C4BPA: variants seen among roughly 807,000 people sequenced by gnomAD.
C4BPA encodes complement component 4 binding protein alpha, also known as C4b-binding protein alpha chain.
A neutral mutation model predicts 63.7 loss-of-function variants in C4BPA; 31 were observed. The observed-to-expected ratio is 0.49, with a 90% CI of 0.37 to 0.66. The LOEUF (loss-of-function observed/expected upper bound fraction) is 0.66. Among genes scored for constraint, C4BPA ranks in the 30% least tolerant of loss-of-function variants. The probability of loss-of-function intolerance (pLI) is 0.00; values close to 1 mark genes in which losing one functional copy is unlikely to be tolerated. For missense variants in C4BPA, 572 were observed against 723.3 expected, an observed-to-expected ratio of 0.79 and a Z score of 2.40; for synonymous variants, 259 against 254.7, an observed-to-expected ratio of 1.02 and a Z score of -0.16.
chr1:207,106,904 G>GTA (rs1553255187), intron 1 of C4BPA, among the ~76,000 whole-genome samples: 1 of 151,554 alleles, frequency 6.6e-6, no homozygotes, highest in Non-Finnish European at 1.5e-5. Flanking sequence ...CCTTGCAAAT[G>GTA]TTTTTTTTTA....
At chr1:207,110,669 A>G (rs978661425) in intron 1 of C4BPA, among the ~76,000 whole-genome samples, 1 of 152,210 alleles carries the variant, frequency 6.6e-6, no homozygotes, top group Non-Finnish European at 1.5e-5. Context: ...CATTTTGAGT[A>G]TTCAATGAGT....
At chr1:207,131,172 G>A (rs142733988) in intron 7 of C4BPA, among the ~76,000 whole-genome samples, 11 of 152,116 alleles carry the variant, frequency 7.2e-5, no homozygotes, top group African/African-American at 2.7e-4. Flanking sequence ...TGAGGGGAAC[G>A]GCTCCTGTTT....
intron 9 of C4BPA, among the ~76,000 whole-genome samples, chr1:207,137,618 T>C (rs1031807191): frequency 6.6e-6 from 1 of 151,946 alleles, no homozygotes; most frequent in Non-Finnish European, 1.5e-5. Flanking sequence ...TTTGTTTTGT[T>C]TTGTTTTGTT....
chr1:207,136,961 A>G (rs1000298800), intron 9 of C4BPA, among the ~76,000 whole-genome samples: 2 of 152,194 alleles, frequency 1.3e-5, no homozygotes, highest in African/African-American at 4.8e-5. Flanking sequence ...GCCCCTCCCT[A>G]TACATCTCTT....
At chr1:207,141,879 A>G (rs1415181157) in intron 10 of C4BPA, among the ~76,000 whole-genome samples, 1 of 152,188 alleles carries the variant, frequency 6.6e-6, no homozygotes, top group Non-Finnish European at 1.5e-5. Flanking sequence ...TTTATTTGCC[A>G]TCATTGTTTC....
At chr1:207,118,072 T>G (rs1558089199) in intron 4 of C4BPA, among the ~76,000 whole-genome samples, 3 of 152,196 alleles carry the variant, frequency 2.0e-5, no homozygotes, top group African/African-American at 4.8e-5. Context: ...TTTGGTATTT[T>G]AAATGGATTA....
intron 9 of C4BPA, among the ~76,000 whole-genome samples, chr1:207,138,689 G>A (rs1169950069): frequency 6.6e-6 from 1 of 152,168 alleles, no homozygotes; most frequent in Non-Finnish European, 1.5e-5. Flanking sequence ...CTCAAACCTG[G>A]CAATCATTTG....
intron 9 of C4BPA, among the ~76,000 whole-genome samples, chr1:207,138,493 C>T (rs1215269055): frequency 6.6e-6 from 1 of 152,208 alleles, no homozygotes; most frequent in Non-Finnish European, 1.5e-5. Flanking sequence ...TCCTCTACTG[C>T]AGTGCATGGC....
intron 9 of C4BPA, among the ~76,000 whole-genome samples, chr1:207,139,298 A>C (rs563769622): frequency 2.4e-4 from 36 of 152,334 alleles, no homozygotes; most frequent in African/African-American, 7.9e-4. Context: ...AGTTCTTCAG[A>C]ATCCTTCTAA....
At chr1:207,123,889 A>T in intron 4 of C4BPA, 33 bp from the exon 5 acceptor site, 5 of 1,257,858 alleles carry the variant, frequency 4.0e-6, no homozygotes, top group Non-Finnish European at 5.8e-6. Context: ...GGTAGGAGGA[A>T]TTCCATTAAA....
intron 4 of C4BPA, among the ~76,000 whole-genome samples, chr1:207,118,431 T>C (rs2102336178): frequency 6.6e-6 from 1 of 152,286 alleles, no homozygotes. Context: ...AAACTTACAA[T>C]CATCGCAGAA....
rs1430589676 is a variant in C4BPA, at chr1:207,117,132, A to C, written c.428+1617A>C. ...AGAACTTTAAAGTTAGACATATTTT[A>C]AAATCAGTGTTAGATTAGTTTTAAA... is the stretch of plus-strand genomic sequence containing the variant. On this transcript the variant is annotated intron_variant, in intron 4 of 11. Coordinates refer to ENST00000367070, the MANE Select transcript of C4BPA (RefSeq NM_000715.4). Among the ~76,000 whole-genome samples, 3 of 152,216 alleles carry C rather than the reference A, an allele frequency of 2.0e-5. No homozygotes were observed. In the East Asian group the frequency reaches 5.8e-4, roughly 29 times the overall value.
At chr1:207,141,410 G>A in intron 10 of C4BPA, 134 bp downstream of exon 10, 1 of 614,660 alleles carries the variant, frequency 1.6e-6, no homozygotes, top group East Asian at 2.8e-5. Context: ...ATCAATATAT[G>A]CAAATGGTAC....
At chr1:207,129,412 C>CA (rs71640104) in intron 7 of C4BPA, among the ~76,000 whole-genome samples, 106,445 of 137,086 alleles carry the variant, frequency 0.78, 42,774 homozygotes, top group East Asian at 0.97. Context: ...CAAATTTGAC[C>CA]AAAAAAAAAA....
Position 207,124,216 on chromosome 1 carries a change from C to T in C4BPA, c.556C>T (p.His186Tyr), listed in dbSNP as rs1254446359. Residue 186 changes from histidine to tyrosine, a missense_variant, in exon 6 of 12, where the codon CAC (histidine) becomes TAC (tyrosine). This residue lies in a region of C4BPA where 465 missense variants were observed against 629.4 expected (regional missense o/e 0.74). Coordinates refer to ENST00000367070, the MANE Select transcript of C4BPA (RefSeq NM_000715.4). The part of the protein sequence containing the change: ...KPPPDIRNGR[H>Y]SGEENFYAYG... ...TCCTCCAGACATCAGGAATGGAAGG[C>T]ACAGCGGTGAAGAAAATTTCTACGC... The T allele has an allele frequency of 6.2e-7, 1 of 1,613,848 alleles. No individual in the cohort carries two copies. The highest frequency in any genetic ancestry group is 8.5e-7 in the Non-Finnish European group (1 of 1,179,916).
intron 2 of C4BPA, among the ~76,000 whole-genome samples, chr1:207,113,387 A>G (rs1684711137): frequency 6.6e-6 from 1 of 152,218 alleles, no homozygotes; most frequent in African/African-American, 2.4e-5. Context: ...TCTCCAGGAA[A>G]GAATTTCTCT....
In C4BPA at chr1:207,115,375, G is replaced by A. The variant is rs1684762128; in HGVS notation, c.329-41G>A. ...TTCTTTTCTAATGCCATATCTGTGA[G>A]TACTTGGAAGTACTAATCATCATTT... is the stretch of plus-strand genomic sequence containing the variant. On this transcript the variant is annotated intron_variant, in intron 3 of 11. Transcript: ENST00000367070. 3 of 1,035,570 alleles carry A rather than the reference G, an allele frequency of 2.9e-6. 1 individual carries two copies. Among genetic ancestry groups the A allele is most frequent in the Non-Finnish European group, 2.9e-6 (2 of 682,678 alleles). 64.1% of individuals were successfully genotyped at this position (1,035,570 alleles called of 1,614,324 possible). A position where few individuals can be genotyped will look rare whatever the true frequency, so the allele number is the denominator to read the frequency against.
intron 4 of C4BPA, among the ~76,000 whole-genome samples, chr1:207,121,601 G>A (rs1684923161): frequency 6.6e-6 from 1 of 152,066 alleles, no homozygotes; most frequent in East Asian, 1.9e-4. Context: ...ATTGATGTGA[G>A]TGATACTTAT....
chr1:207,124,854 C>T (rs913548140), intron 6 of C4BPA, among the ~76,000 whole-genome samples: 1 of 152,204 alleles, frequency 6.6e-6, no homozygotes, highest in Admixed American at 6.5e-5. Flanking sequence ...TATCACTTTC[C>T]ATTACAGCCT....
Sources: allele counts gnomAD v4.1 joint callset (sites outside exome capture counted in the v4.1 genomes callset), GRCh38; gene constraint gnomAD v4.1.1; regional missense constraint gnomAD v4.1.1; transcripts MANE v1.5; gene names NCBI Gene and HGNC (gene_info 2026-07-23, HGNC 2026-07-21).